ARB2A: variants seen among roughly 807,000 people sequenced by gnomAD.
The protein encoded by ARB2A is cotranscriptional regulator ARB2A.
At chr5:93,779,373 T>C in the ARB2A span, among the ~76,000 whole-genome samples, 377 of 152,346 alleles carry the variant, frequency 2.5e-3, 1 homozygote, top group African/African-American at 8.7e-3. Context: ...TTGGTGCTTT[T>C]CTAATACTTA....
the ARB2A span, among the ~76,000 whole-genome samples, chr5:93,821,216 G>A: frequency 2.0e-5 from 3 of 151,826 alleles, no homozygotes; most frequent in East Asian, 3.9e-4. Context: ...ATGACATAAC[G>A]AAGAATGTGA....
At chr5:93,867,063 C>T in the ARB2A span, among the ~76,000 whole-genome samples, 1 of 151,986 alleles carries the variant, frequency 6.6e-6, no homozygotes, top group Non-Finnish European at 1.5e-5. Flanking sequence ...TCAATAATAG[C>T]TAAACAGATT....
chr5:93,732,586 TA>T, the ARB2A span, among the ~76,000 whole-genome samples: 160 of 142,114 alleles, frequency 1.1e-3, no homozygotes, highest in East Asian at 1.8e-3. Context: ...GGCCTCTGAT[TA>T]AAAAAAAAAA....
chr5:93,923,629 G>A, the ARB2A span, among the ~76,000 whole-genome samples: 4 of 152,112 alleles, frequency 2.6e-5, no homozygotes, highest in Admixed American at 6.5e-5. Flanking sequence ...GGACAACAAA[G>A]TGAGACTTCA....
the ARB2A span, among the ~76,000 whole-genome samples, chr5:93,760,602 C>CTTACAGCCA: frequency 6.6e-6 from 1 of 152,248 alleles, no homozygotes; most frequent in Admixed American, 6.5e-5. Flanking sequence ...AATTCAAATA[C>CTTACAGCCA]TTACAGCCAA....
chr5:93,714,391 G>T, the ARB2A span, among the ~76,000 whole-genome samples: 1 of 152,162 alleles, frequency 6.6e-6, no homozygotes, highest in East Asian at 1.9e-4. Flanking sequence ...GTGCTGCCAG[G>T]TGCAAATATG....
chr5:94,004,475 G>A, the ARB2A span, among the ~76,000 whole-genome samples: 16 of 152,048 alleles, frequency 1.1e-4, no homozygotes, highest in Admixed American at 5.9e-4. Context: ...CCAGCTACTC[G>A]GGAGGCTGAG....
chr5:93,629,432 C>T, the ARB2A span, among the ~76,000 whole-genome samples: 1 of 151,994 alleles, frequency 6.6e-6, no homozygotes, highest in South Asian at 2.1e-4. Flanking sequence ...AACAGGCTTG[C>T]TTGACACAGG....
the ARB2A span, among the ~76,000 whole-genome samples, chr5:93,710,708 G>T: frequency 3.9e-5 from 6 of 152,072 alleles, no homozygotes; most frequent in Admixed American, 2.6e-4. Context: ...GGAAAATACT[G>T]GTTCAATAAC....
chr5:93,692,733 A>G, the ARB2A span, among the ~76,000 whole-genome samples: 1 of 152,206 alleles, frequency 6.6e-6, no homozygotes, highest in Non-Finnish European at 1.5e-5. Flanking sequence ...CTCCACTCCA[A>G]ATCAATAGAA....
the ARB2A span, among the ~76,000 whole-genome samples, chr5:93,760,515 C>T: frequency 1.3e-5 from 2 of 152,174 alleles, no homozygotes; most frequent in Non-Finnish European, 2.9e-5. Context: ...TATAAGGTTA[C>T]AGTCACCAAA....
the ARB2A span, among the ~76,000 whole-genome samples, chr5:93,891,083 T>A: frequency 6.6e-6 from 1 of 152,176 alleles, no homozygotes; most frequent in Non-Finnish European, 1.5e-5. Context: ...AGAGTGAGTT[T>A]TTCTTCAGAC....
the ARB2A span, among the ~76,000 whole-genome samples, chr5:93,796,336 G>T: frequency 2.6e-5 from 4 of 152,084 alleles, no homozygotes; most frequent in African/African-American, 2.4e-5. Context: ...TGTAAGCTCA[G>T]GTTTATGAAG....
chr5:93,880,094 T>C, the ARB2A span, among the ~76,000 whole-genome samples: 1 of 151,850 alleles, frequency 6.6e-6, no homozygotes, highest in Non-Finnish European at 1.5e-5. Context: ...AGCTACTTAT[T>C]GCTTCTAAAT....
At chr5:93,626,817 G>A in the ARB2A span, among the ~76,000 whole-genome samples, 2 of 152,072 alleles carry the variant, frequency 1.3e-5, no homozygotes, top group South Asian at 4.2e-4. Flanking sequence ...AGGTGGTTGT[G>A]GTAATTTCTT....
the ARB2A span, among the ~76,000 whole-genome samples, chr5:93,773,786 G>A: frequency 6.6e-6 from 1 of 152,132 alleles, no homozygotes; most frequent in Non-Finnish European, 1.5e-5. Context: ...TAGAGATGGG[G>A]TCTTGTTCTG....
At chr5:93,740,807 C>T in the ARB2A span, 27 of 1,613,474 alleles carry the variant, frequency 1.7e-5, no homozygotes, top group Non-Finnish European at 2.1e-5. Flanking sequence ...ACTCGAACCA[C>T]ATCCTTCTGC....
chr5:93,887,659 CAGAT>C, the ARB2A span, among the ~76,000 whole-genome samples: 1 of 151,782 alleles, frequency 6.6e-6, no homozygotes, highest in Non-Finnish European at 1.5e-5. Flanking sequence ...AGCCATACAA[CAGAT>C]AAATTCTTGA....
the ARB2A span, among the ~76,000 whole-genome samples, chr5:93,803,062 T>G: frequency 6.6e-6 from 1 of 152,104 alleles, no homozygotes; most frequent in African/African-American, 2.4e-5. Context: ...AAATCTCCAA[T>G]GGAAATGGAG....
Sources: gnomAD v4.1 joint callset for allele counts (sites outside exome capture counted in the v4.1 genomes callset) on GRCh38, gnomAD v4.1.1 for gene constraint, MANE v1.5 for transcripts, NCBI Gene and HGNC (gene_info 2026-07-23, HGNC 2026-07-21) for gene names.